Variants in MAGI3 observed in about 807,000 individuals in gnomAD.
MAGI3 encodes membrane associated guanylate kinase, WW and PDZ domain containing 3, also known as membrane-associated guanylate kinase, WW and PDZ domain-containing protein 3.
A neutral mutation model predicts 121.8 loss-of-function variants in MAGI3; 43 were observed. The ratio of observed to expected loss-of-function variants is 0.35; its 90% CI spans 0.28 to 0.46. The LOEUF is 0.46. Ranked by LOEUF, MAGI3 falls within the 20% of genes least tolerant of loss-of-function variation. The pLI is 1.00. For synonymous variants in MAGI3, 553 were observed against 639.3 expected (o/e 0.86, Z 2.04); for missense variants, 1,547 against 1,797.3 (o/e 0.86, Z 2.52).
intron 2 of MAGI3, among the ~76,000 whole-genome samples, chr1:113,564,657 G>C (rs377613743): frequency 6.6e-6 from 1 of 151,958 alleles, no homozygotes; most frequent in Non-Finnish European, 1.5e-5. Flanking sequence ...AACTCTTGAA[G>C]CCAGGAGTTC....
intron 3 of MAGI3, among the ~76,000 whole-genome samples, chr1:113,581,933 TTTTTTGTTTG>T (rs1324348118): frequency 6.6e-6 from 1 of 152,088 alleles, no homozygotes; most frequent in Non-Finnish European, 1.5e-5. Flanking sequence ...TTTGAAGTTT[TTTTTTGTTTG>T]TTTTTGTTTT....
At chr1:113,432,194 C>T (rs2101423265) in intron 1 of MAGI3, among the ~76,000 whole-genome samples, 1 of 152,292 alleles carries the variant, frequency 6.6e-6, no homozygotes, top group South Asian at 2.1e-4. Context: ...AAATCCATTT[C>T]AGGCAAATTA....
At chr1:113,507,161 AAG>A (rs1294746510) in intron 1 of MAGI3, among the ~76,000 whole-genome samples, 2 of 152,044 alleles carry the variant, frequency 1.3e-5, no homozygotes, top group African/African-American at 4.8e-5. Flanking sequence ...AAGAGAAAAG[AAG>A]AGAGAGAGAG....
At chr1:113,619,901 A>G (rs1650716309) in intron 8 of MAGI3, 71 bp downstream of exon 8, 1 of 1,058,600 alleles carries the variant, frequency 9.4e-7, no homozygotes, top group Non-Finnish European at 1.4e-6. Context: ...AATAAAAGTG[A>G]GTTTGAACTT....
At position 113,391,314 on chromosome 1, in the gene MAGI3, T is replaced by G; in HGVS notation, c.281T>G (p.Phe94Cys). 1 of 1,597,620 alleles carries G rather than the reference T, an allele frequency of 6.3e-7. No individual in the cohort carries two copies. Among genetic ancestry groups the G allele is most frequent in the African/African-American group, 1.3e-5 (1 of 74,456 alleles). Reference sequence around the variant, plus strand: ...GACACCCTGGCTGTCATCCGCCACTTCCGCGAGCCCATCCGTCTCAAGACT... The same window carrying G: ...GACACCCTGGCTGTCATCCGCCACTGCCGCGAGCCCATCCGTCTCAAGACT... ...NRDTLAVIRH[F>C]REPIRLKTVK... Residue 94 changes from phenylalanine to cysteine, a missense_variant, in exon 1 of 21, where the codon TTC becomes TGC. Transcript: ENST00000307546. This position sits in a 1 kb window ranked among gnomAD's most constrained non-coding sequence, Gnocchi z 4.4.
At chr1:113,679,092 T>C (rs1177196699) in intron 19 of MAGI3, among the ~76,000 whole-genome samples, 8 of 152,220 alleles carry the variant, frequency 5.3e-5, no homozygotes, top group East Asian at 1.9e-4. Context: ...CCTTGAAATA[T>C]ATTTTTTCAA....
Position 113,422,135 on chromosome 1 carries a change from A to G in MAGI3, c.316+30786A>G, listed in dbSNP as rs966111288. ...ATTTAATTGGAACTTTTATTGAGCT[A>G]ACTAAATTCACATGTAGTTATAAGA... is the stretch of plus-strand genomic sequence containing the variant. On this transcript the variant is annotated intron_variant, in intron 1 of 20. Coordinates refer to ENST00000307546, the MANE Select transcript of MAGI3 (RefSeq NM_001142782.2). The surrounding 1 kb of genome is among the most constrained non-coding windows in gnomAD (Gnocchi z 4.3). Among the ~76,000 whole-genome samples the G allele has an allele frequency of 1.2e-4, 18 of 152,214 alleles. No homozygotes were observed. Among genetic ancestry groups the G allele is most frequent in the South Asian group, 2.1e-4 (1 of 4,832 alleles).
At position 113,639,438 on chromosome 1, in the gene MAGI3, G is replaced by A. The variant is rs138344268; in HGVS notation, c.1361-2473G>A. On this transcript the variant is annotated intron_variant, in intron 9 of 20. Transcript: ENST00000307546. The stretch of plus-strand genomic sequence containing the variant: ...TTGTTTGAGACCAAATCTCACTCTT[G>A]TCATCCAGGCTGGAGTGCGATGGCA... 5.8e-3 allele frequency among the ~76,000 whole-genome samples: 879 copies of A among 152,302 alleles called. 5 individuals are homozygous for A. The highest frequency in any genetic ancestry group is 0.01 in the Non-Finnish European group (691 of 68,034).
chr1:113,413,896 C>G (rs950432365), intron 1 of MAGI3, among the ~76,000 whole-genome samples: 2 of 152,118 alleles, frequency 1.3e-5, no homozygotes, highest in African/African-American at 4.8e-5. Flanking sequence ...ATTATCCTGG[C>G]CAGAACTTCC....
At chr1:113,646,036 A>C (rs1036533807) in intron 11 of MAGI3, among the ~76,000 whole-genome samples, 1 of 152,148 alleles carries the variant, frequency 6.6e-6, no homozygotes, top group Non-Finnish European at 1.5e-5. Context: ...GTTTTCTTAG[A>C]AAGAGTATTA....
chr1:113,605,991 A>T (rs1649751142), intron 6 of MAGI3, among the ~76,000 whole-genome samples: 1 of 151,204 alleles, frequency 6.6e-6, no homozygotes, highest in African/African-American at 2.4e-5. Flanking sequence ...TTTGAGACAG[A>T]GTCTCTCTCT....
intron 8 of MAGI3, among the ~76,000 whole-genome samples, chr1:113,621,239 G>A (rs1050916252): frequency 2.0e-5 from 3 of 152,212 alleles, no homozygotes; most frequent in East Asian, 1.9e-4. Context: ...AGTAGGTGTG[G>A]TTACAGCATA....
chr1:113,513,205 GGT>G (rs1196520222), intron 1 of MAGI3, among the ~76,000 whole-genome samples: 1 of 152,216 alleles, frequency 6.6e-6, no homozygotes, highest in Admixed American at 6.5e-5. Context: ...TACTGCCCAA[GGT>G]AATTTAGAGA....
intron 1 of MAGI3, among the ~76,000 whole-genome samples, chr1:113,394,096 G>A (rs1365295245): frequency 1.3e-5 from 2 of 152,190 alleles, no homozygotes; most frequent in East Asian, 3.8e-4. Flanking sequence ...TCACTTAGGT[G>A]CTAAGGGTCG....
chr1:113,660,616 AT>A (rs11363456), intron 16 of MAGI3, among the ~76,000 whole-genome samples: 86,949 of 129,142 alleles, frequency 0.67, 30,033 homozygotes, highest in African/African-American at 0.9. Flanking sequence ...GATGCTCAGC[AT>A]TTTTTTTTTT....
chr1:113,642,720 G>A (rs567916679), intron 10 of MAGI3, among the ~76,000 whole-genome samples: 4 of 152,146 alleles, frequency 2.6e-5, no homozygotes, highest in African/African-American at 9.7e-5. Flanking sequence ...TTTCATTCAT[G>A]TCCATTATGG....
intron 9 of MAGI3, among the ~76,000 whole-genome samples, chr1:113,630,431 C>G (rs1235745236): frequency 6.6e-6 from 1 of 152,088 alleles, no homozygotes; most frequent in Non-Finnish European, 1.5e-5. Context: ...ACCCCGAGAG[C>G]CTGCGTGGTG....
At chr1:113,442,475 T>G (rs1015287138) in intron 1 of MAGI3, among the ~76,000 whole-genome samples, 20 of 152,172 alleles carry the variant, frequency 1.3e-4, no homozygotes, top group Middle Eastern at 3.4e-3. Context: ...TTGGTTTTAT[T>G]GTGGATAAGT....
intron 1 of MAGI3, among the ~76,000 whole-genome samples, chr1:113,472,207 T>G (rs930322285): frequency 1.3e-5 from 2 of 150,534 alleles, no homozygotes; most frequent in Non-Finnish European, 3.0e-5. Context: ...AGATCTTGTT[T>G]TTTTTTTTTT....
Sources: gnomAD v4.1 joint callset for allele counts (sites outside exome capture counted in the v4.1 genomes callset) on GRCh38, gnomAD v4.1.1 for gene constraint, Gnocchi (gnomAD v3.1) non-coding constraint, MANE v1.5 for transcripts, NCBI Gene and HGNC (gene_info 2026-07-23, HGNC 2026-07-21) for gene names.